SMIM10L3: variants seen among roughly 807,000 people sequenced by gnomAD.
The protein encoded by SMIM10L3 is salivary gland specific protein SAGSIN1.
chr7:6,343,623 AG>A, the SMIM10L3 span, among the ~76,000 whole-genome samples: 1 of 151,814 alleles, frequency 6.6e-6, no homozygotes, highest in Non-Finnish European at 1.5e-5. Context: ...TGTATAAATA[AG>A]AAGGATGCTA....
the SMIM10L3 span, among the ~76,000 whole-genome samples, chr7:6,333,992 A>C: frequency 6.6e-6 from 1 of 150,438 alleles, no homozygotes; most frequent in Non-Finnish European, 1.5e-5. Context: ...GACTACAGGC[A>C]CCCGCCACCA....
At chr7:6,341,911 T>A in the SMIM10L3 span, 1 of 151,642 alleles carries the variant, frequency 6.6e-6, no homozygotes, top group African/African-American at 2.4e-5. Flanking sequence ...GGCAGGAGAA[T>A]CACTTGAACC....
the SMIM10L3 span, among the ~76,000 whole-genome samples, chr7:6,344,722 T>A: frequency 6.6e-6 from 1 of 151,952 alleles, no homozygotes; most frequent in South Asian, 2.1e-4. Context: ...CCTGGCCCAC[T>A]CAATTCTTTT....
the SMIM10L3 span, chr7:6,348,707 C>T: frequency 4.7e-6 from 2 of 425,814 alleles, no homozygotes; most frequent in Non-Finnish European, 8.3e-6. Context: ...TAGGAGCGGG[C>T]GGCGGCCGAG....
At chr7:6,337,555 T>C in the SMIM10L3 span, among the ~76,000 whole-genome samples, 8 of 151,892 alleles carry the variant, frequency 5.3e-5, no homozygotes, top group African/African-American at 1.7e-4. Flanking sequence ...ATTTCTAGAA[T>C]TGTGTTAAAG....
chr7:6,343,831 G>C, the SMIM10L3 span, among the ~76,000 whole-genome samples: 1 of 152,054 alleles, frequency 6.6e-6, no homozygotes, highest in Non-Finnish European at 1.5e-5. Context: ...TTGGAAAATG[G>C]AGTTCCTTAG....
At chr7:6,333,182 C>CAAAAAAAAAAAAA in the SMIM10L3 span, among the ~76,000 whole-genome samples, 2 of 140,064 alleles carry the variant, frequency 1.4e-5, no homozygotes, top group Non-Finnish European at 3.1e-5. Flanking sequence ...AAAAAAAAAA[C>CAAAAAAAAAAAAA]AAAAAACAAA....
At chr7:6,330,976 G>A in the SMIM10L3 span, 1 of 1,614,222 alleles carries the variant, frequency 6.2e-7, no homozygotes, top group Non-Finnish European at 8.5e-7. Context: ...CAGTGATAAT[G>A]CCTCACTTTG....
chr7:6,329,551 T>G, the SMIM10L3 span: 1 of 153,828 alleles, frequency 6.5e-6, no homozygotes, highest in African/African-American at 2.4e-5. Context: ...ATGTTTAAGT[T>G]TCACTTTGGG....
the SMIM10L3 span, among the ~76,000 whole-genome samples, chr7:6,344,443 G>C: frequency 6.6e-6 from 1 of 152,110 alleles, no homozygotes; most frequent in Non-Finnish European, 1.5e-5. Flanking sequence ...TTTTTTTACA[G>C]ACGGGGTCTT....
At chr7:6,338,405 C>T in the SMIM10L3 span, among the ~76,000 whole-genome samples, 1 of 152,048 alleles carries the variant, frequency 6.6e-6, no homozygotes, top group Non-Finnish European at 1.5e-5. Flanking sequence ...GTATTACAAA[C>T]AAAGGTAGCT....
the SMIM10L3 span, among the ~76,000 whole-genome samples, chr7:6,337,334 C>T: frequency 4.6e-5 from 7 of 152,134 alleles, no homozygotes; most frequent in East Asian, 1.3e-3. Context: ...GATGGCCAGG[C>T]TGGTCTCTAA....
chr7:6,338,857 G>A, the SMIM10L3 span, among the ~76,000 whole-genome samples: 1 of 152,186 alleles, frequency 6.6e-6, no homozygotes, highest in African/African-American at 2.4e-5. Flanking sequence ...TAGTCCCAAA[G>A]GGGAGAAGAC....
chr7:6,342,486 C>T, the SMIM10L3 span, among the ~76,000 whole-genome samples: 1 of 152,004 alleles, frequency 6.6e-6, no homozygotes, highest in Admixed American at 6.6e-5. Context: ...TTGCAGTGAG[C>T]CAAGATCACA....
the SMIM10L3 span, chr7:6,348,757 AT>A: frequency 2.5e-6 from 1 of 400,396 alleles, no homozygotes; most frequent in Non-Finnish European, 4.4e-6. Context: ...AGCCGCCGCC[AT>A]ATAGAGACCG....
At chr7:6,346,571 G>A in the SMIM10L3 span, among the ~76,000 whole-genome samples, 1 of 152,102 alleles carries the variant, frequency 6.6e-6, no homozygotes, top group African/African-American at 2.4e-5. Flanking sequence ...AGTAGAGACA[G>A]GGTTTCACCC....
the SMIM10L3 span, among the ~76,000 whole-genome samples, chr7:6,341,134 ACT>A: frequency 7.2e-6 from 1 of 138,594 alleles, no homozygotes; most frequent in Admixed American, 7.1e-5. Context: ...ACACAGCAAG[ACT>A]CTGTCCCAAA....
At chr7:6,343,716 T>C in the SMIM10L3 span, among the ~76,000 whole-genome samples, 8 of 152,130 alleles carry the variant, frequency 5.3e-5, no homozygotes, top group East Asian at 1.2e-3. Context: ...TCTGCATCAT[T>C]TTCTCATTTA....
the SMIM10L3 span, chr7:6,342,093 C>G: frequency 6.6e-6 from 1 of 152,054 alleles, no homozygotes; most frequent in Middle Eastern, 3.2e-3. Context: ...AAGAACCTAC[C>G]CTACGCCAGG....
Sources: gnomAD v4.1 joint callset for allele counts (sites outside exome capture counted in the v4.1 genomes callset) on GRCh38, gnomAD v4.1.1 for gene constraint, MANE v1.5 for transcripts, NCBI Gene and HGNC (gene_info 2026-07-23, HGNC 2026-07-21) for gene names.